Variants in PKD1L1 observed in about 807,000 individuals in gnomAD.
PKD1L1 encodes the protein polycystin 1 like 1, transient receptor potential channel interacting.
In PKD1L1, 236 loss-of-function variants were observed where a neutral mutation model predicts 323.4. The observed-to-expected ratio is 0.73, with a 90% CI of 0.66 to 0.81. The LOEUF (loss-of-function observed/expected upper bound fraction) is 0.81, where lower values mean the gene tolerates loss of function less well. Ranked by LOEUF, PKD1L1 falls within the 40% of genes least tolerant of loss-of-function variation. PKD1L1 has a pLI of 0.00. For missense variants in PKD1L1, 3,320 were observed against 3,508.0 expected (o/e 0.95, Z 1.35); for synonymous variants, 1,344 against 1,335.0 (o/e 1.01, Z -0.15).
At position 47,837,095 on chromosome 7, in the gene PKD1L1, C is replaced by G; in HGVS notation, c.5770-1G>C. On this transcript the variant is annotated splice_acceptor_variant, in intron 36 of 56. Coordinates refer to ENST00000289672, the MANE Select transcript of PKD1L1 (RefSeq NM_138295.5). LOFTEE classifies it high-confidence loss of function. ...ACTCTGTGAACTTGCAATAGAAAAG[C>G]TGAAACGGAAAGCAGGAGAAGTGTT... 2 of 1,613,890 alleles carry G rather than the reference C, an allele frequency of 1.2e-6. No individual in the cohort carries two copies. The highest frequency in any genetic ancestry group is 2.2e-5 in the South Asian group (2 of 91,056).
intron 56 of PKD1L1, among the ~76,000 whole-genome samples, chr7:47,786,022 G>A (rs765933765): frequency 1.6e-4 from 24 of 152,150 alleles, no homozygotes; most frequent in Admixed American, 5.9e-4. Flanking sequence ...AATTACAGGT[G>A]TGAGGCACCA....
chr7:47,862,173 C>T (rs540077109), intron 26 of PKD1L1, among the ~76,000 whole-genome samples: 1 of 151,720 alleles, frequency 6.6e-6, no homozygotes, highest in Admixed American at 6.6e-5. Flanking sequence ...CCAGCTTGGG[C>T]GACAGAGTGA....
the PKD1L1 span, among the ~76,000 whole-genome samples, chr7:47,958,578 C>T: frequency 1.4e-4 from 21 of 152,138 alleles, no homozygotes; most frequent in African/African-American, 5.1e-4. Flanking sequence ...CAAAAGCAAA[C>T]AATGGGCAAA....
intron 55 of PKD1L1, chr7:47,795,501 A>G (rs1784502978): frequency 2.6e-6 from 1 of 382,194 alleles, no homozygotes. Flanking sequence ...TATCAGCAGT[A>G]TGAAAACAAA....
At chr7:47,792,845 AT>A (rs1166420311) in intron 55 of PKD1L1, 48 bp from the exon 56 acceptor site, 3 of 1,520,726 alleles carry the variant, frequency 2.0e-6, no homozygotes, top group Non-Finnish European at 2.7e-6. Flanking sequence ...GAATCTCATT[AT>A]CCCCCTTTCC....
chr7:47,777,509 T>C (rs1180048378), intron 56 of PKD1L1, among the ~76,000 whole-genome samples: 1 of 152,230 alleles, frequency 6.6e-6, no homozygotes, highest in African/African-American at 2.4e-5. Context: ...GTTTTGTAGA[T>C]AACACATTTC....
intron 45 of PKD1L1, 65 bp downstream of exon 45, chr7:47,827,285 G>C: frequency 7.4e-7 from 1 of 1,352,878 alleles, no homozygotes; most frequent in Non-Finnish European, 1.0e-6. Flanking sequence ...CAGCGGCAGT[G>C]GGGTACTCCC....
chr7:47,886,693 C>T (rs1786692800), intron 17 of PKD1L1, among the ~76,000 whole-genome samples: 1 of 152,146 alleles, frequency 6.6e-6, no homozygotes, highest in African/African-American at 2.4e-5. Context: ...TTTTGCCCTC[C>T]ACCATGAGTA....
chr7:47,809,177 G>A (rs1184898526), intron 51 of PKD1L1: 7 of 222,884 alleles, frequency 3.1e-5, no homozygotes, highest in African/African-American at 1.6e-4. Context: ...TTTAGCCTAG[G>A]CCTACATACA....
At position 47,875,436 on chromosome 7, in the gene PKD1L1, C is replaced by G. The variant is rs114245073; in HGVS notation, c.3784+661G>C. Among the ~76,000 whole-genome samples the G allele has an allele frequency of 3.5e-3, 528 of 152,326 alleles. 7 individuals carry two copies. The highest frequency in any genetic ancestry group is 0.012 in the African/African-American group (493 of 41,560). On this transcript the variant is annotated intron_variant, in intron 23 of 56. Transcript: ENST00000289672. The stretch of plus-strand genomic sequence containing the variant: ...TCAGTGACTCTCAACCTTCCCTGCA[C>G]ATCAGAATCTTCCAGGCATTTAAAA...
chr7:47,829,062 A>C (rs79832173), intron 44 of PKD1L1, among the ~76,000 whole-genome samples: 8,170 of 152,272 alleles, frequency 0.054, 269 homozygotes, highest in South Asian at 0.13. Context: ...CAAAGGGATG[A>C]AGGCAGGGAG....
intron 56 of PKD1L1, among the ~76,000 whole-genome samples, chr7:47,777,337 C>A (rs562559756): frequency 6.6e-6 from 1 of 152,222 alleles, no homozygotes; most frequent in East Asian, 1.9e-4. Flanking sequence ...ATGATAAGAC[C>A]GAAGGAGATG....
chr7:47,884,780 G>A, intron 18 of PKD1L1, 123 bp from the exon 19 acceptor site: 2 of 791,146 alleles, frequency 2.5e-6, no homozygotes, highest in Non-Finnish European at 2.1e-6. Flanking sequence ...ACATTGCTCT[G>A]TGGATTACAA....
intron 2 of PKD1L1, among the ~76,000 whole-genome samples, chr7:47,942,672 G>A (rs1788012659): frequency 6.6e-6 from 1 of 151,982 alleles, no homozygotes; most frequent in African/African-American, 2.4e-5. Flanking sequence ...GGACGAGGAG[G>A]AAAACCCCAC....
rs565751968 is a variant in PKD1L1 at position 47,908,195 on chromosome 7, C to T, written c.1284G>A (p.Val428=). Residue 428 remains valine, a synonymous_variant, in exon 9 of 57, where the codon GTG becomes GTA. Coordinates refer to ENST00000289672, the MANE Select transcript of PKD1L1 (RefSeq NM_138295.5). ...TCTCCACATAATAAGGCCCAAGCTC[C>T]ACTTCGGTTCCATGAAACTCGTTAT... ...VIYNEFHGTE[V]ELGPYYVEIG... The T allele has an allele frequency of 1.9e-6, 3 of 1,614,226 alleles. No homozygotes were observed. In the Admixed American group the frequency reaches 5.0e-5, roughly 27 times the overall value.
At chr7:47,886,800 A>G (rs1011590211) in intron 17 of PKD1L1, among the ~76,000 whole-genome samples, 1 of 152,114 alleles carries the variant, frequency 6.6e-6, no homozygotes, top group Non-Finnish European at 1.5e-5. Flanking sequence ...TTCTTTATAA[A>G]TTACCCAGCC....
chr7:47,924,255 A>T (rs1787614665), intron 7 of PKD1L1, among the ~76,000 whole-genome samples: 1 of 152,220 alleles, frequency 6.6e-6, no homozygotes, highest in Non-Finnish European at 1.5e-5. Context: ...GGTTCTGGGA[A>T]ACTGGAACAG....
At chr7:47,829,718 A>G (rs1251878407) in intron 43 of PKD1L1, 117 bp from the exon 44 acceptor site, 1 of 1,092,666 alleles carries the variant, frequency 9.2e-7, no homozygotes, top group African/African-American at 1.6e-5. Flanking sequence ...TTTTAAAGAC[A>G]CCAGTAGTCA....
intron 56 of PKD1L1, among the ~76,000 whole-genome samples, chr7:47,790,014 G>C (rs983909870): frequency 6.6e-6 from 1 of 151,778 alleles, no homozygotes; most frequent in Non-Finnish European, 1.5e-5. Flanking sequence ...TCAGCCTCCC[G>C]AGTAGCTGGG....
Sources: allele counts gnomAD v4.1 joint callset (sites outside exome capture counted in the v4.1 genomes callset), GRCh38; gene constraint gnomAD v4.1.1; transcripts MANE v1.5; gene names NCBI Gene and HGNC (gene_info 2026-07-23, HGNC 2026-07-21).